ANKS1A: variants seen among roughly 807,000 people sequenced by gnomAD.
ANKS1A encodes ankyrin repeat and SAM domain-containing protein 1A.
Under a neutral mutation model 120.3 loss-of-function variants are expected in ANKS1A, and 55 were observed. The ratio of observed to expected loss-of-function variants is 0.46; its 90% confidence interval spans 0.37 to 0.57. ANKS1A has a LOEUF of 0.57. Ranked by LOEUF, ANKS1A falls within the 20% of genes least tolerant of loss-of-function variation. The probability of loss-of-function intolerance (pLI) is 0.00; values close to 1 mark genes in which losing one functional copy is unlikely to be tolerated. For missense variants in ANKS1A, 1,123 were observed against 1,480.3 expected (o/e 0.76, Z 3.96); for synonymous variants, 590 against 604.7 (o/e 0.98, Z 0.36).
chr6:35,075,961 C>T (rs566824172), intron 13 of ANKS1A, among the ~76,000 whole-genome samples: 14 of 152,178 alleles, frequency 9.2e-5, no homozygotes, highest in Admixed American at 5.2e-4. Flanking sequence ...AGTCTCACTG[C>T]GTTGCCCAAG....
Position 34,982,915 on chromosome 6 carries a change from G to A in ANKS1A, c.808+88G>A. On this transcript the variant is annotated intron_variant, in intron 5 of 23. Coordinates refer to ENST00000360359, the MANE Select transcript of ANKS1A (RefSeq NM_015245.3). The surrounding 1 kb of genome is among the most constrained non-coding windows in gnomAD (Gnocchi z 4.9). ...TCCCCTAGGGGGATTTTTGCTGGCT[G>A]TGTTTGAACTCAATGTATGTGTATC... The A allele has an allele frequency of 1.3e-6, 2 of 1,518,848 alleles. No homozygotes were observed. Among genetic ancestry groups the A allele is most frequent in the Non-Finnish European group, 1.8e-6 (2 of 1,095,674 alleles). The allele number at this position is 1,518,848 out of a possible 1,614,324, so 94.1% of individuals were successfully genotyped here.
At chr6:34,997,410 G>T (rs921292362) in intron 10 of ANKS1A, among the ~76,000 whole-genome samples, 4 of 151,902 alleles carry the variant, frequency 2.6e-5, no homozygotes, top group Non-Finnish European at 5.9e-5. Context: ...TGGCCAGGCT[G>T]ATCTCGAACT....
intron 1 of ANKS1A, among the ~76,000 whole-genome samples, chr6:34,932,748 A>C (rs1769052048): frequency 6.6e-6 from 1 of 152,192 alleles, no homozygotes; most frequent in African/African-American, 2.4e-5. Context: ...TCATCCATTC[A>C]TCAGTTAATG....
chr6:34,953,930 G>A (rs1770214155), intron 1 of ANKS1A, among the ~76,000 whole-genome samples: 1 of 152,110 alleles, frequency 6.6e-6, no homozygotes, highest in African/African-American at 2.4e-5. Context: ...TTACAGTTGT[G>A]CAACAGAAAC....
At chr6:35,076,205 C>T (rs1329493437) in intron 13 of ANKS1A, among the ~76,000 whole-genome samples, 4 of 152,142 alleles carry the variant, frequency 2.6e-5, no homozygotes, top group South Asian at 2.1e-4. Flanking sequence ...GGGCGGATCA[C>T]GAGGTCAGGA....
chr6:35,005,392 A>G (rs1773397067), intron 10 of ANKS1A, among the ~76,000 whole-genome samples: 1 of 152,216 alleles, frequency 6.6e-6, no homozygotes, highest in Admixed American at 6.5e-5. Flanking sequence ...CTATTTTTCT[A>G]CATAGAAATT....
At chr6:34,993,525 C>T (rs1191289411) in intron 9 of ANKS1A, among the ~76,000 whole-genome samples, 3 of 152,236 alleles carry the variant, frequency 2.0e-5, no homozygotes, top group East Asian at 1.9e-4. Context: ...AGCCACTTGA[C>T]TCTTCAGAGC....
At chr6:34,923,927 T>C (rs1008000714) in intron 1 of ANKS1A, among the ~76,000 whole-genome samples, 6 of 152,192 alleles carry the variant, frequency 3.9e-5, no homozygotes, top group African/African-American at 1.4e-4. Flanking sequence ...GTCTACACTT[T>C]TTTCTGATGG....
chr6:34,979,496 C>T (rs1337856435), intron 3 of ANKS1A, among the ~76,000 whole-genome samples: 1 of 152,136 alleles, frequency 6.6e-6, no homozygotes, highest in Non-Finnish European at 1.5e-5. Flanking sequence ...AGGAAATTTG[C>T]CAGTAGTGAT....
chr6:34,989,825 G>A (rs916802773), intron 9 of ANKS1A, among the ~76,000 whole-genome samples: 15 of 152,242 alleles, frequency 9.9e-5, no homozygotes, highest in African/African-American at 3.4e-4. Flanking sequence ...GGATGGCCAG[G>A]GCTGGAAGAT....
chr6:34,968,810 C>T (rs1233799475), intron 2 of ANKS1A, among the ~76,000 whole-genome samples: 1 of 151,956 alleles, frequency 6.6e-6, no homozygotes, highest in Non-Finnish European at 1.5e-5. Context: ...CTCCAGAGCC[C>T]TCTACCTTAG....
intron 1 of ANKS1A, among the ~76,000 whole-genome samples, chr6:34,896,695 T>G (rs1767103471): frequency 6.6e-6 from 1 of 152,186 alleles, no homozygotes; most frequent in Non-Finnish European, 1.5e-5. Context: ...CCAGGCGCAG[T>G]GGCTCACGCC....
chr6:34,940,035 A>C (rs554280180), intron 1 of ANKS1A, among the ~76,000 whole-genome samples: 1 of 152,200 alleles, frequency 6.6e-6, no homozygotes, highest in Non-Finnish European at 1.5e-5. Context: ...TAATGCTCTC[A>C]TTTCCAGAGT....
At chr6:34,941,503 A>C (rs1769534561) in intron 1 of ANKS1A, among the ~76,000 whole-genome samples, 1 of 152,056 alleles carries the variant, frequency 6.6e-6, no homozygotes, top group African/African-American at 2.4e-5. Context: ...CCTAGGCTCA[A>C]GCAATCCTCC....
chr6:34,922,186 C>T (rs1768471032), intron 1 of ANKS1A, among the ~76,000 whole-genome samples: 1 of 152,056 alleles, frequency 6.6e-6, no homozygotes, highest in Admixed American at 6.6e-5. Context: ...GTTGCTTGTT[C>T]ACTTATTATA....
At position 35,058,863 on chromosome 6, in the gene ANKS1A, C is replaced by G. The variant is rs1776339708; in HGVS notation, c.2078-1284C>G. Among the ~76,000 whole-genome samples, 2 of 152,216 alleles carry G rather than the reference C, an allele frequency of 1.3e-5. 1 individual carries two copies. The highest frequency in any genetic ancestry group is 4.8e-5 in the African/African-American group (2 of 41,460). ...CTGAACTTCTGTCCTCCCTGCACCA[C>G]CAAAATCCCCATGCTGATCGAGGAG... On this transcript the variant is annotated intron_variant, in intron 12 of 23. Coordinates refer to ENST00000360359, the MANE Select transcript of ANKS1A (RefSeq NM_015245.3). This position sits in a 1 kb window ranked among gnomAD's most constrained non-coding sequence, Gnocchi z 5.1.
intron 1 of ANKS1A, among the ~76,000 whole-genome samples, chr6:34,912,102 G>C (rs1476202704): frequency 6.6e-6 from 1 of 152,164 alleles, no homozygotes; most frequent in African/African-American, 2.4e-5. Context: ...TTCAGTGTCA[G>C]GATGAAATCA....
At chr6:35,073,162 G>A (rs1231898924) in intron 13 of ANKS1A, among the ~76,000 whole-genome samples, 3 of 152,298 alleles carry the variant, frequency 2.0e-5, no homozygotes, top group Non-Finnish European at 2.9e-5. Flanking sequence ...TCACTGGCCC[G>A]CATCTTCACT....
chr6:34,911,093 G>A (rs547824626), intron 1 of ANKS1A, among the ~76,000 whole-genome samples: 15 of 152,154 alleles, frequency 9.9e-5, no homozygotes, highest in Non-Finnish European at 1.8e-4. Flanking sequence ...GACCTACAGT[G>A]GTATGGTAAC....
Sources: allele counts gnomAD v4.1 joint callset (sites outside exome capture counted in the v4.1 genomes callset), GRCh38; gene constraint gnomAD v4.1.1; non-coding constraint Gnocchi (gnomAD v3.1); transcripts MANE v1.5; gene names NCBI Gene and HGNC (gene_info 2026-07-23, HGNC 2026-07-21).